The following ELAVL2 variants were observed in gnomAD, a reference collection of about 807,000 sequenced individuals.
ELAVL2 encodes ELAV like RNA binding protein 2.
A neutral mutation model predicts 34.6 loss-of-function variants in ELAVL2; 4 were observed. The observed-to-expected ratio is 0.12, with a 90% CI of 0.06 to 0.26. ELAVL2 has a LOEUF of 0.26. ELAVL2 is among the 10% of genes least tolerant of loss of function. The probability of loss-of-function intolerance (pLI) is 1.00; values close to 1 mark genes in which losing one functional copy is unlikely to be tolerated. For missense variants in ELAVL2, 432 were observed against 442.8 expected (o/e 0.98, Z 0.22); for synonymous variants, 193 against 154.8 (o/e 1.25, Z -1.83).
chr9:23,828,173 T>C (rs1048679540), upstream of ELAVL2, among the ~76,000 whole-genome samples: 1 of 144,300 alleles, frequency 6.9e-6, no homozygotes, highest in Non-Finnish European at 1.5e-5. Flanking sequence ...CCCCTCCCCT[T>C]GTCCCCAGCT....
chr9:23,835,086 C>G, the ELAVL2 span, among the ~76,000 whole-genome samples: 1 of 152,012 alleles, frequency 6.6e-6, no homozygotes, highest in Admixed American at 6.6e-5. Flanking sequence ...GTCAGTCTTT[C>G]TGCAATCTGT....
intron 1 of ELAVL2, among the ~76,000 whole-genome samples, chr9:23,763,425 T>C (rs889423876): frequency 3.9e-5 from 6 of 152,110 alleles, no homozygotes; most frequent in African/African-American, 9.7e-5. Flanking sequence ...AACGCATCAC[T>C]GAAAGGATTA....
chr9:23,842,797 GCT>G, the ELAVL2 span, among the ~76,000 whole-genome samples: 1 of 152,092 alleles, frequency 6.6e-6, no homozygotes, highest in African/African-American at 2.4e-5. Flanking sequence ...GGCATTTGAT[GCT>G]CAACTGACTC....
chr9:23,693,361 A>T (rs567806256), intron 6 of ELAVL2, 87 bp downstream of exon 6: 2 of 1,518,076 alleles, frequency 1.3e-6, no homozygotes, highest in African/African-American at 1.4e-5. Flanking sequence ...ACAAAAACTT[A>T]TGAGGGGTGT....
chr9:23,794,348 A>G (rs1255161052), intron 1 of ELAVL2, among the ~76,000 whole-genome samples: 1 of 152,148 alleles, frequency 6.6e-6, no homozygotes, highest in Admixed American at 6.5e-5. Context: ...AGCTTCCCCT[A>G]AAGAGGGGAA....
intron 1 of ELAVL2, among the ~76,000 whole-genome samples, chr9:23,762,557 A>T (rs1481391513): frequency 6.6e-6 from 1 of 152,096 alleles, no homozygotes; most frequent in South Asian, 2.1e-4. Flanking sequence ...GTGTCCACAG[A>T]TGAGAAAATC....
intron 1 of ELAVL2, among the ~76,000 whole-genome samples, chr9:23,802,163 T>C (rs1462777377): frequency 6.6e-6 from 1 of 152,184 alleles, no homozygotes; most frequent in African/African-American, 2.4e-5. Context: ...AGAAAATGCA[T>C]GGAGCAGGTG....
rs779978734 is a variant in ELAVL2, at chr9:23,762,132, C to G, written c.103G>C (p.Glu35Gln). ...CSSPVDSGNTEDSKTNLIVNY... is the reference protein window; with the variant it reads ...CSSPVDSGNTQDSKTNLIVNY... ...ACTATTAAGTTGGTCTTGCTGTCTTCTGTGTTCCCAGAGTCAACTGGTGAC... is the reference window on the plus strand; with the variant it reads ...ACTATTAAGTTGGTCTTGCTGTCTTGTGTGTTCCCAGAGTCAACTGGTGAC... The change falls in exon 2 of 7, where the codon GAA becomes CAA. Residue 35 changes from glutamate to glutamine, a missense_variant. Glu to Gln is a conservative substitution (Grantham distance 29). This residue lies in a region of ELAVL2 where 132 missense variants were observed against 118.3 expected (regional missense o/e 1.12). Coordinates refer to ENST00000397312, the MANE Select transcript of ELAVL2 (RefSeq NM_004432.5). 2 of 1,613,588 alleles carry G rather than the reference C, an allele frequency of 1.2e-6. No homozygotes were observed. The highest frequency in any genetic ancestry group is 8.5e-7 in the Non-Finnish European group (1 of 1,179,626).
intron 2 of ELAVL2, among the ~76,000 whole-genome samples, chr9:23,752,766 A>G (rs574649696): frequency 5.3e-5 from 8 of 152,282 alleles, no homozygotes; most frequent in Admixed American, 4.6e-4. Context: ...AGGAACTCTT[A>G]TAAACACAGC....
chr9:23,767,991 A>G (rs1451655293), intron 1 of ELAVL2, among the ~76,000 whole-genome samples: 1 of 152,108 alleles, frequency 6.6e-6, no homozygotes, highest in Non-Finnish European at 1.5e-5. Context: ...CTCCATTGCC[A>G]TGGTCAACAT....
intron 3 of ELAVL2, among the ~76,000 whole-genome samples, chr9:23,710,418 C>T (rs73654359): frequency 0.011 from 1,607 of 152,290 alleles, 45 homozygotes; most frequent in African/African-American, 0.036. Context: ...CAACTGCTCT[C>T]GTTTCTCTGA....
chr9:23,698,156 T>C (rs1369645761), intron 5 of ELAVL2, among the ~76,000 whole-genome samples: 5 of 152,204 alleles, frequency 3.3e-5, no homozygotes, highest in Admixed American at 1.3e-4. Flanking sequence ...CACTAGATCA[T>C]ATTCAATAAA....
intron 1 of ELAVL2, among the ~76,000 whole-genome samples, chr9:23,799,542 C>T (rs1271782008): frequency 2.0e-5 from 3 of 152,188 alleles, no homozygotes; most frequent in African/African-American, 4.8e-5. Context: ...ATCACTGGGT[C>T]TCTCACATCT....
At chr9:23,793,575 T>C (rs1205336597) in intron 1 of ELAVL2, among the ~76,000 whole-genome samples, 1 of 152,042 alleles carries the variant, frequency 6.6e-6, no homozygotes, top group Non-Finnish European at 1.5e-5. Context: ...AACGATCCCC[T>C]CCCCTATCAT....
chr9:23,846,791 T>G, the ELAVL2 span, among the ~76,000 whole-genome samples: 2 of 152,074 alleles, frequency 1.3e-5, no homozygotes, highest in Non-Finnish European at 2.9e-5. Context: ...ATTGCAAAAG[T>G]GCCAAGATTG....
chr9:23,836,983 C>T, the ELAVL2 span, among the ~76,000 whole-genome samples: 1 of 152,104 alleles, frequency 6.6e-6, no homozygotes, highest in Non-Finnish European at 1.5e-5. Context: ...AAGAAGCTTT[C>T]GTCGAAAATT....
chr9:23,828,823 G>C (rs183503430), upstream of ELAVL2, among the ~76,000 whole-genome samples: 111 of 152,194 alleles, frequency 7.3e-4, no homozygotes, highest in Middle Eastern at 3.4e-3. Context: ...TAAGCAACAT[G>C]TACTTTTTCA....
chr9:23,741,158 C>T (rs1564200871), intron 2 of ELAVL2, among the ~76,000 whole-genome samples: 1 of 152,058 alleles, frequency 6.6e-6, no homozygotes, highest in Non-Finnish European at 1.5e-5. Flanking sequence ...TCAGGTGTTT[C>T]CTGACAAACA....
chr9:23,812,972 A>T (rs1168314707), intron 1 of ELAVL2, among the ~76,000 whole-genome samples: 2 of 152,216 alleles, frequency 1.3e-5, no homozygotes, highest in Admixed American at 6.5e-5. Flanking sequence ...GATACAACAG[A>T]TCTTCATATC....
Sources: gnomAD v4.1 joint callset for allele counts (sites outside exome capture counted in the v4.1 genomes callset) on GRCh38, gnomAD v4.1.1 for gene constraint, gnomAD v4.1.1 regional missense constraint, MANE v1.5 for transcripts, NCBI Gene and HGNC (gene_info 2026-07-23, HGNC 2026-07-21) for gene names.